The following OSBPL9 variants were observed in gnomAD, a reference collection of about 807,000 sequenced individuals.
OSBPL9 encodes the protein oxysterol binding protein like 9, also known as oxysterol-binding protein-related protein 9.
OSBPL9 carries 40 observed loss-of-function variants against 106.6 expected under a neutral mutation model. The observed-to-expected ratio is 0.38, with a 90% CI of 0.29 to 0.49. OSBPL9 has a LOEUF of 0.49. Ranked by LOEUF, OSBPL9 falls within the 20% of genes least tolerant of loss-of-function variation. OSBPL9 has a pLI of 0.97. For missense variants in OSBPL9, 609 were observed against 887.2 expected (o/e 0.69, Z 3.98); for synonymous variants, 269 against 295.4 (o/e 0.91, Z 0.92).
At chr1:51,745,758 C>A in intron 5 of OSBPL9, 127 bp downstream of exon 5, 1 of 1,188,672 alleles carries the variant, frequency 8.4e-7, no homozygotes, top group Non-Finnish European at 1.1e-6. Flanking sequence ...GTTTTTAAAG[C>A]AGACTTAAAA....
At chr1:51,709,022 A>G (rs191060286) in intron 3 of OSBPL9, 3 of 152,404 alleles carry the variant, frequency 2.0e-5, no homozygotes, top group Admixed American at 1.3e-4. Context: ...AGCAGAGCTG[A>G]GCAAGCAGCT....
chr1:51,744,667 G>A (rs969081900), intron 4 of OSBPL9, among the ~76,000 whole-genome samples: 1 of 152,134 alleles, frequency 6.6e-6, no homozygotes, highest in African/African-American at 2.4e-5. Flanking sequence ...TTTGTGGTTG[G>A]GTTGGGATTT....
the OSBPL9 span, among the ~76,000 whole-genome samples, chr1:51,525,196 A>G: frequency 6.6e-6 from 1 of 152,240 alleles, no homozygotes; most frequent in South Asian, 2.1e-4. Flanking sequence ...GCTCAGCCCC[A>G]TTTGACTGGC....
chr1:51,748,611 A>G (rs951888721), intron 7 of OSBPL9, among the ~76,000 whole-genome samples: 14 of 152,200 alleles, frequency 9.2e-5, no homozygotes, highest in Admixed American at 6.5e-4. Context: ...TTCATGTACC[A>G]TTTACCTGTT....
the OSBPL9 span, among the ~76,000 whole-genome samples, chr1:51,542,402 T>C: frequency 6.6e-6 from 1 of 152,166 alleles, no homozygotes; most frequent in African/African-American, 2.4e-5. Context: ...ACTATACATA[T>C]CTTGTTGCCC....
intron 1 of OSBPL9, among the ~76,000 whole-genome samples, chr1:51,582,491 C>A (rs1240359178): frequency 1.3e-5 from 2 of 152,108 alleles, no homozygotes; most frequent in Non-Finnish European, 2.9e-5. Flanking sequence ...CCATGCATGG[C>A]TAATTTTTTT....
At chr1:51,748,897 C>G (rs966717084) in intron 7 of OSBPL9, among the ~76,000 whole-genome samples, 1 of 152,054 alleles carries the variant, frequency 6.6e-6, no homozygotes, top group Non-Finnish European at 1.5e-5. Flanking sequence ...ACCAGACTGA[C>G]CAACATGGAT....
chr1:51,668,554 G>A (rs1649077219), intron 2 of OSBPL9, among the ~76,000 whole-genome samples: 1 of 152,168 alleles, frequency 6.6e-6, no homozygotes, highest in South Asian at 2.1e-4. Flanking sequence ...CCTGGGAGGT[G>A]GAGGTTGCAG....
At chr1:51,701,893 C>T (rs1332329661) in intron 3 of OSBPL9, among the ~76,000 whole-genome samples, 6 of 152,144 alleles carry the variant, frequency 3.9e-5, no homozygotes, top group South Asian at 2.1e-4. Context: ...TGAGAACATG[C>T]GGTGTTTCGT....
At chr1:51,543,484 C>G in the OSBPL9 span, among the ~76,000 whole-genome samples, 1 of 152,158 alleles carries the variant, frequency 6.6e-6, no homozygotes, top group African/African-American at 2.4e-5. Flanking sequence ...CAACCTTCAC[C>G]TCCTGGGTTC....
At chr1:51,594,101 AAC>A (rs925402625) in intron 1 of OSBPL9, among the ~76,000 whole-genome samples, 1 of 152,072 alleles carries the variant, frequency 6.6e-6, no homozygotes, top group Non-Finnish European at 1.5e-5. Context: ...TATTTTATGA[AAC>A]ACAGAAAATT....
intron 1 of OSBPL9, among the ~76,000 whole-genome samples, chr1:51,650,805 T>C (rs1279612972): frequency 6.6e-6 from 1 of 152,254 alleles, no homozygotes; most frequent in Non-Finnish European, 1.5e-5. Context: ...AGATGTTACT[T>C]TGTTGTATTG....
At chr1:51,678,313 G>T (rs1413109582) in intron 3 of OSBPL9, among the ~76,000 whole-genome samples, 2 of 152,228 alleles carry the variant, frequency 1.3e-5, no homozygotes, top group Non-Finnish European at 2.9e-5. Flanking sequence ...GTAAGTCTTA[G>T]TAGAAGTTAT....
intron 3 of OSBPL9, among the ~76,000 whole-genome samples, chr1:51,712,580 ATTAT>A (rs1255301726): frequency 2.0e-5 from 3 of 152,076 alleles, no homozygotes; most frequent in Non-Finnish European, 4.4e-5. Flanking sequence ...CTTAATTTTG[ATTAT>A]TTGTCACTTT....
At chr1:51,573,535 G>T (rs1645165122), upstream of OSBPL9, among the ~76,000 whole-genome samples, 1 of 127,452 alleles carries the variant, frequency 7.8e-6, no homozygotes, top group South Asian at 2.5e-4. Flanking sequence ...AAAAAAAAAG[G>T]CCAGGCACGG....
chr1:51,630,774 C>G (rs1645057709), intron 1 of OSBPL9, among the ~76,000 whole-genome samples: 1 of 152,120 alleles, frequency 6.6e-6, no homozygotes, highest in African/African-American at 2.4e-5. Flanking sequence ...TTTTAAAACA[C>G]CTTTAATTTT....
intron 15 of OSBPL9, among the ~76,000 whole-genome samples, chr1:51,779,291 A>G (rs1343540489): frequency 6.6e-6 from 1 of 152,228 alleles, no homozygotes; most frequent in Non-Finnish European, 1.5e-5. Context: ...ACAAAAACAT[A>G]AAGTGGGAAA....
chr1:51,660,833 G>A (rs1054292798), intron 2 of OSBPL9, among the ~76,000 whole-genome samples: 2 of 152,166 alleles, frequency 1.3e-5, no homozygotes, highest in Non-Finnish European at 2.9e-5. Context: ...GGCTGTTACT[G>A]TTCTTGGCCC....
chr1:51,730,745 T>G (rs188301723), intron 4 of OSBPL9, among the ~76,000 whole-genome samples: 6 of 152,350 alleles, frequency 3.9e-5, no homozygotes, highest in Admixed American at 1.3e-4. Context: ...AAACCAGTTT[T>G]GCTAATTTGA....
Sources: allele counts gnomAD v4.1 joint callset (sites outside exome capture counted in the v4.1 genomes callset), GRCh38; gene constraint gnomAD v4.1.1; transcripts MANE v1.5; gene names NCBI Gene and HGNC (gene_info 2026-07-23, HGNC 2026-07-21).